The following ZNF420 variants were observed in gnomAD, a reference collection of about 807,000 sequenced individuals.
ZNF420 encodes zinc finger protein 420, also known as ATM and p53-associated KZNF protein.
A neutral mutation model predicts 44.7 loss-of-function variants in ZNF420; 31 were observed. That is an observed-to-expected ratio of 0.69 (90% confidence interval 0.52 to 0.94). ZNF420 has a LOEUF of 0.94. Ranked by LOEUF, ZNF420 falls within the 40% of genes least tolerant of loss-of-function variation. ZNF420 has a pLI of 0.00. For missense variants in ZNF420, 681 were observed against 827.9 expected (o/e 0.82, Z 2.18); for synonymous variants, 245 against 267.4 (o/e 0.92, Z 0.82).
intron 4 of ZNF420, among the ~76,000 whole-genome samples, chr19:37,113,647 G>A (rs1318287627): frequency 1.3e-5 from 2 of 152,202 alleles, no homozygotes; most frequent in African/African-American, 4.8e-5. Context: ...TATTGAATGA[G>A]GGGCAGGCGG....
intron 1 of ZNF420, among the ~76,000 whole-genome samples, chr19:37,012,377 T>A (rs2074576628): frequency 6.6e-6 from 1 of 152,212 alleles, no homozygotes; most frequent in Non-Finnish European, 1.5e-5. Context: ...ATTCCCATGG[T>A]TGCCTAAGAA....
intron 4 of ZNF420, among the ~76,000 whole-genome samples, chr19:37,094,511 C>T (rs1969329513): frequency 6.6e-6 from 1 of 151,926 alleles, no homozygotes. Context: ...ATTTAATGGA[C>T]ATTATATATT....
At chr19:37,111,687 G>C (rs552033057) in intron 4 of ZNF420, 1 of 152,312 alleles carries the variant, frequency 6.6e-6, no homozygotes, top group East Asian at 1.9e-4. Flanking sequence ...CTGACAAATA[G>C]TTGGACTATT....
At chr19:37,087,283 AAAAAAAAAAATAAAT>A (rs1465041372) in intron 2 of ZNF420, among the ~76,000 whole-genome samples, 66 of 49,990 alleles carry the variant, frequency 1.3e-3, no homozygotes, top group African/African-American at 6.3e-3. Flanking sequence ...ACCCTGTCTC[AAAAAAAAAAATAAAT>A]AAATAAATAA....
chr19:37,107,930 C>T (rs919534032), intron 4 of ZNF420, among the ~76,000 whole-genome samples: 3 of 152,062 alleles, frequency 2.0e-5, no homozygotes, highest in Non-Finnish European at 2.9e-5. Context: ...CGGCATCTAA[C>T]CATGTCCCAG....
chr19:37,050,700 CT>C (rs1967623337), intron 1 of ZNF420, among the ~76,000 whole-genome samples: 1 of 152,160 alleles, frequency 6.6e-6, no homozygotes, highest in African/African-American at 2.4e-5. Flanking sequence ...ATTGAATACC[CT>C]TTACTTCCTA....
chr19:37,090,035 A>G (rs1007206186), intron 3 of ZNF420, among the ~76,000 whole-genome samples: 3 of 152,194 alleles, frequency 2.0e-5, no homozygotes, highest in African/African-American at 7.2e-5. Flanking sequence ...GAAAAATTTT[A>G]CCATTTTGTT....
At chr19:37,017,699 C>T (rs1326401045) in intron 1 of ZNF420, among the ~76,000 whole-genome samples, 1 of 151,982 alleles carries the variant, frequency 6.6e-6, no homozygotes. Flanking sequence ...TGTGAAAAAC[C>T]CACAGTGGAC....
intron 4 of ZNF420, among the ~76,000 whole-genome samples, chr19:37,095,717 G>C (rs1969407252): frequency 1.3e-5 from 2 of 151,992 alleles, no homozygotes; most frequent in Non-Finnish European, 2.9e-5. Flanking sequence ...TCCTACTTCA[G>C]CCTCCCCAGT....
At chr19:37,115,909 G>C (rs1325630408) in intron 4 of ZNF420, among the ~76,000 whole-genome samples, 1 of 152,118 alleles carries the variant, frequency 6.6e-6, no homozygotes, top group Non-Finnish European at 1.5e-5. Context: ...ATTAGAGAAT[G>C]GTGATGACTT....
At chr19:37,080,017 A>C (rs1968352305) in intron 1 of ZNF420, among the ~76,000 whole-genome samples, 1 of 152,112 alleles carries the variant, frequency 6.6e-6, no homozygotes. Flanking sequence ...TAAATAGGCC[A>C]CTGGAAATAT....
intron 4 of ZNF420, among the ~76,000 whole-genome samples, chr19:37,100,720 A>G (rs942187271): frequency 6.6e-6 from 1 of 151,790 alleles, no homozygotes; most frequent in Non-Finnish European, 1.5e-5. Context: ...TCTCAAAAAA[A>G]AAAAATTGCT....
At chr19:37,056,387 A>G (rs575170232) in intron 1 of ZNF420, among the ~76,000 whole-genome samples, 2 of 152,014 alleles carry the variant, frequency 1.3e-5, no homozygotes, top group South Asian at 2.1e-4. Context: ...TCATCTTGGC[A>G]TAGCCCCATA....
intron 1 of ZNF420, among the ~76,000 whole-genome samples, chr19:37,020,078 A>G (rs2074636379): frequency 6.6e-6 from 1 of 151,976 alleles, no homozygotes; most frequent in Non-Finnish European, 1.5e-5. Flanking sequence ...TGAGCCGGGC[A>G]CAGTGGCGGG....
intron 1 of ZNF420, among the ~76,000 whole-genome samples, chr19:37,012,260 G>T (rs1013572654): frequency 6.6e-6 from 1 of 152,184 alleles, no homozygotes; most frequent in Non-Finnish European, 1.5e-5. Flanking sequence ...CTACCGCCGC[G>T]CCGCCGCCAT....
At chr19:37,046,676 T>C (rs1967547128) in intron 1 of ZNF420, among the ~76,000 whole-genome samples, 1 of 152,220 alleles carries the variant, frequency 6.6e-6, no homozygotes, top group Admixed American at 6.5e-5. Context: ...GGTTGTGTGG[T>C]GGGTTCACAA....
intron 4 of ZNF420, among the ~76,000 whole-genome samples, chr19:37,118,146 A>G (rs897231822): frequency 6.6e-6 from 1 of 152,236 alleles, no homozygotes; most frequent in Admixed American, 6.5e-5. Context: ...CTTCTCGAGA[A>G]GAGCAACTCC....
intron 1 of ZNF420, among the ~76,000 whole-genome samples, chr19:37,018,762 G>T (rs1014473920): frequency 3.9e-5 from 6 of 152,020 alleles, no homozygotes; most frequent in African/African-American, 1.2e-4. Context: ...TAGAGGCGGG[G>T]TTTCACCATG....
chr19:37,122,568 C>G (rs1971112446), intron 4 of ZNF420, among the ~76,000 whole-genome samples: 1 of 152,068 alleles, frequency 6.6e-6, no homozygotes, highest in South Asian at 2.1e-4. Context: ...ACATATGTAA[C>G]AAACCTGCAC....
Sources: allele counts gnomAD v4.1 joint callset (sites outside exome capture counted in the v4.1 genomes callset), GRCh38; gene constraint gnomAD v4.1.1; transcripts MANE v1.5; gene names NCBI Gene and HGNC (gene_info 2026-07-23, HGNC 2026-07-21).